DPP10: variants seen among roughly 807,000 people sequenced by gnomAD.
DPP10 encodes inactive dipeptidyl peptidase 10.
A neutral mutation model predicts 120.9 loss-of-function variants in DPP10; 33 were observed. The observed-to-expected ratio is 0.27, with a 90% CI of 0.21 to 0.37. DPP10 has a LOEUF of 0.37. DPP10 is among the 10% of genes least tolerant of loss of function. DPP10 has a pLI of 1.00. For synonymous variants in DPP10, 337 were observed against 326.1 expected, an observed-to-expected ratio of 1.03 and a Z score of -0.36; for missense variants, 816 against 942.8, an observed-to-expected ratio of 0.87 and a Z score of 1.76.
chr2:114,590,802 G>A (rs985147556), intron 1 of DPP10, among the ~76,000 whole-genome samples: 1 of 152,162 alleles, frequency 6.6e-6, no homozygotes, highest in Non-Finnish European at 1.5e-5. Flanking sequence ...GGAGTTTTGA[G>A]CATTTATTAA....
At chr2:114,789,401 A>T (rs935431435) in intron 1 of DPP10, among the ~76,000 whole-genome samples, 2 of 152,202 alleles carry the variant, frequency 1.3e-5, no homozygotes, top group African/African-American at 4.8e-5. Flanking sequence ...TCATTCACAG[A>T]TGGGGCCCTC....
chr2:114,633,701 C>T (rs1406685661), intron 1 of DPP10, among the ~76,000 whole-genome samples: 3 of 151,716 alleles, frequency 2.0e-5, no homozygotes, highest in Non-Finnish European at 4.4e-5. Flanking sequence ...GCAACCTCCG[C>T]CTCCTGAGTT....
intron 1 of DPP10, among the ~76,000 whole-genome samples, chr2:115,156,525 C>T (rs2051924514): frequency 6.6e-6 from 1 of 152,164 alleles, no homozygotes; most frequent in Admixed American, 6.5e-5. Flanking sequence ...CAAGATCTTA[C>T]AGTAGAATTT....
intron 5 of DPP10, among the ~76,000 whole-genome samples, chr2:115,640,613 T>C (rs2086706239): frequency 6.6e-6 from 1 of 152,142 alleles, no homozygotes. Flanking sequence ...TATGAAGGAA[T>C]AGATAAGTGT....
chr2:114,925,761 G>A (rs569848176), intron 1 of DPP10, among the ~76,000 whole-genome samples: 11 of 152,274 alleles, frequency 7.2e-5, no homozygotes, highest in African/African-American at 2.6e-4. Flanking sequence ...CAGGGATATG[G>A]ACTGTAGACC....
At chr2:114,491,802 C>A (rs943710744) in intron 1 of DPP10, among the ~76,000 whole-genome samples, 6 of 152,122 alleles carry the variant, frequency 3.9e-5, no homozygotes, top group African/African-American at 1.4e-4. Flanking sequence ...CCTTGGAAGG[C>A]AAATTTAAAG....
At chr2:115,410,911 A>G (rs2068905239) in intron 3 of DPP10, among the ~76,000 whole-genome samples, 1 of 152,196 alleles carries the variant, frequency 6.6e-6, no homozygotes, top group Non-Finnish European at 1.5e-5. Flanking sequence ...ATAAAATTAG[A>G]CTAATTTGTC....
At chr2:114,686,630 A>C (rs1250869078) in intron 1 of DPP10, among the ~76,000 whole-genome samples, 2 of 151,904 alleles carry the variant, frequency 1.3e-5, no homozygotes, top group African/African-American at 4.8e-5. Context: ...GGCCGAGCTT[A>C]AGTTATGTGG....
chr2:115,419,553 C>T (rs952676367), intron 3 of DPP10, among the ~76,000 whole-genome samples: 2 of 152,080 alleles, frequency 1.3e-5, no homozygotes, highest in African/African-American at 4.8e-5. Flanking sequence ...CAAACACCTC[C>T]CACAAAGCCC....
At chr2:115,260,623 A>C (rs1283678789) in intron 1 of DPP10, among the ~76,000 whole-genome samples, 2 of 152,238 alleles carry the variant, frequency 1.3e-5, no homozygotes, top group East Asian at 3.9e-4. Context: ...TTTAAATTTT[A>C]GAAAACTGGA....
In DPP10 at chr2:115,689,753, TTTTCTAG is replaced by T. The variant is rs1300930594; in HGVS notation, c.494+18_494+24del. ...CATACACACTAGGTAAGTTCTTTGATTTTCTAGTTTTCATGAGCAATTGTGTTACTAA... is the reference window on the plus strand; with the variant it reads ...CATACACACTAGGTAAGTTCTTTGATTTTTCATGAGCAATTGTGTTACTAA... On this transcript the variant is annotated intron_variant, in intron 6 of 25. Coordinates refer to ENST00000410059, the MANE Select transcript of DPP10 (RefSeq NM_020868.6). 6.2e-7 allele frequency: 1 copy of T among 1,605,562 alleles called. No homozygotes were observed. The highest frequency in any genetic ancestry group is 1.3e-5 in the African/African-American group (1 of 74,654).
intron 1 of DPP10, among the ~76,000 whole-genome samples, chr2:115,146,272 A>G (rs1300975703): frequency 6.6e-6 from 1 of 152,044 alleles, no homozygotes; most frequent in Non-Finnish European, 1.5e-5. Flanking sequence ...TTGCATTAGA[A>G]TCTTCATGCT....
At chr2:115,334,230 G>GTTTTTTGTTTTTTTTTTTTTTTTTTTTT (rs2062969426) in intron 2 of DPP10, among the ~76,000 whole-genome samples, 1 of 56,412 alleles carries the variant, frequency 1.8e-5, no homozygotes, top group South Asian at 7.4e-4. Context: ...AGCAGACTCT[G>GTTTTTTGTTTTTTTTTTTTTTTTTTTTT]TTTTTTTTTT....
intron 4 of DPP10, among the ~76,000 whole-genome samples, chr2:115,510,518 T>G (rs554582992): frequency 6.6e-5 from 10 of 152,162 alleles, no homozygotes; most frequent in Non-Finnish European, 1.3e-4. Context: ...ATGTTTATCC[T>G]TAGGCCAGAA....
At chr2:114,881,565 C>CATCT (rs60728242) in intron 1 of DPP10, among the ~76,000 whole-genome samples, 80,293 of 140,784 alleles carry the variant, frequency 0.57, 24,748 homozygotes, top group South Asian at 0.7. Context: ...ATCTATGTAT[C>CATCT]ATCTATCTAT....
At chr2:114,859,366 CAAAA>C (rs58306246) in intron 1 of DPP10, among the ~76,000 whole-genome samples, 16 of 129,968 alleles carry the variant, frequency 1.2e-4, no homozygotes, top group Admixed American at 2.3e-4. Flanking sequence ...GAAACTCCGT[CAAAA>C]AAAAAAAAAA....
At chr2:115,226,543 A>G (rs2057441854) in intron 1 of DPP10, among the ~76,000 whole-genome samples, 1 of 152,204 alleles carries the variant, frequency 6.6e-6, no homozygotes. Context: ...CCACATAGTC[A>G]AGTAAAACTT....
intron 1 of DPP10, among the ~76,000 whole-genome samples, chr2:114,810,313 A>T (rs1277906862): frequency 2.0e-5 from 3 of 152,300 alleles, no homozygotes; most frequent in African/African-American, 7.2e-5. Flanking sequence ...CTGAATTCTG[A>T]CGCACAGATC....
intron 5 of DPP10, among the ~76,000 whole-genome samples, chr2:115,542,065 A>T (rs1031276327): frequency 7.2e-5 from 11 of 151,912 alleles, no homozygotes; most frequent in Non-Finnish European, 1.6e-4. Flanking sequence ...AACATAATTC[A>T]TACAATTATA....
Sources: gnomAD v4.1 joint callset for allele counts (sites outside exome capture counted in the v4.1 genomes callset) on GRCh38, gnomAD v4.1.1 for gene constraint, MANE v1.5 for transcripts, NCBI Gene and HGNC (gene_info 2026-07-23, HGNC 2026-07-21) for gene names.